SBF2: variants seen among roughly 807,000 people sequenced by gnomAD.
The protein encoded by SBF2 is SET binding factor 2, also known as myotubularin-related protein 13.
A neutral mutation model predicts 225.2 loss-of-function variants in SBF2; 112 were observed. The observed-to-expected ratio is 0.50, with a 90% CI of 0.43 to 0.58. SBF2 has a LOEUF of 0.58. Ranked by LOEUF, SBF2 falls within the 20% of genes least tolerant of loss-of-function variation. The pLI, the probability that SBF2 is intolerant of heterozygous loss-of-function variation, is 0.00. For synonymous variants in SBF2, 763 were observed against 773.3 expected, an observed-to-expected ratio of 0.99 and a Z score of 0.22; for missense variants, 1,996 against 2,206.2, an observed-to-expected ratio of 0.90 and a Z score of 1.91.
Position 9,853,224 on chromosome 11 carries a change from AC to A in SBF2, c.2536+315del, listed in dbSNP as rs1857084191. Among the ~76,000 whole-genome samples the A allele has an allele frequency of 2.6e-5, 4 of 152,374 alleles. No individual in the cohort carries two copies. The South Asian group carries it at 8.3e-4, about 32-fold the overall frequency. On this transcript the variant is annotated intron_variant, in intron 20 of 39. Coordinates refer to ENST00000256190, the MANE Select transcript of SBF2 (RefSeq NM_030962.4). ...AGGCAACTTTATAGAGACAGAAAAT[AC>A]ATTAGAAGTTACCAGGGGAAACAGG...
At chr11:10,030,020 A>G (rs1316383057) in intron 4 of SBF2, 145 bp from the exon 5 acceptor site, 2 of 654,556 alleles carry the variant, frequency 3.1e-6, no homozygotes, top group Admixed American at 4.9e-5. Flanking sequence ...AACAGCAAAA[A>G]TTAAGTTTAT....
At chr11:9,853,192 C>G (rs577804212) in intron 20 of SBF2, among the ~76,000 whole-genome samples, 26 of 152,250 alleles carry the variant, frequency 1.7e-4, no homozygotes, top group Non-Finnish European at 2.1e-4. Flanking sequence ...TGTGAAATAT[C>G]TAGAACAGGC....
At chr11:10,000,553 T>C (rs1272066672) in intron 8 of SBF2, among the ~76,000 whole-genome samples, 1 of 152,184 alleles carries the variant, frequency 6.6e-6, no homozygotes, top group Non-Finnish European at 1.5e-5. Flanking sequence ...CTTTGTTAGT[T>C]ATCAGGAATT....
intron 1 of SBF2, 82 bp downstream of exon 1, chr11:10,293,933 C>G (rs1270541940): frequency 3.6e-6 from 4 of 1,108,354 alleles, no homozygotes; most frequent in Non-Finnish European, 4.6e-6. Context: ...ACGCCCGTCC[C>G]CGACGCCCGG....
At chr11:9,942,889 G>GA (rs201082797) in intron 16 of SBF2, among the ~76,000 whole-genome samples, 13,526 of 78,522 alleles carry the variant, frequency 0.17, 754 homozygotes, top group Non-Finnish European at 0.19. Context: ...GAAAAGAAAA[G>GA]AAAGAGAGAG....
intron 33 of SBF2, among the ~76,000 whole-genome samples, chr11:9,792,939 G>GTTT (rs34305025): frequency 1.7e-5 from 2 of 121,200 alleles, no homozygotes; most frequent in African/African-American, 3.1e-5. Context: ...GTGTGTGTGT[G>GTTT]TTTTTTTTTT....
intron 1 of SBF2, among the ~76,000 whole-genome samples, chr11:10,265,066 G>A (rs1341339927): frequency 6.6e-6 from 1 of 152,120 alleles, no homozygotes. Flanking sequence ...CTTTACAGCA[G>A]AATGATTTAT....
intron 13 of SBF2, among the ~76,000 whole-genome samples, chr11:9,969,723 G>A (rs1867202286): frequency 6.6e-6 from 1 of 152,012 alleles, no homozygotes; most frequent in Non-Finnish European, 1.5e-5. Context: ...CCCTATCCCT[G>A]TTATATTTTT....
chr11:10,096,550 G>T (rs1052810018), intron 2 of SBF2, among the ~76,000 whole-genome samples: 1 of 150,980 alleles, frequency 6.6e-6, no homozygotes, highest in Non-Finnish European at 1.5e-5. Context: ...TAACAATATT[G>T]TTATCATAAC....
At chr11:9,797,562 A>G (rs2133875393) in intron 32 of SBF2, among the ~76,000 whole-genome samples, 1 of 152,368 alleles carries the variant, frequency 6.6e-6, no homozygotes, top group Non-Finnish European at 1.5e-5. Context: ...GTAGCGTGCC[A>G]TACTCCAGGT....
chr11:10,150,725 A>G (rs1955136964), intron 2 of SBF2, among the ~76,000 whole-genome samples: 1 of 152,150 alleles, frequency 6.6e-6, no homozygotes, highest in Non-Finnish European at 1.5e-5. Flanking sequence ...TGTCCCACAT[A>G]TTGTACCTGG....
intron 9 of SBF2, among the ~76,000 whole-genome samples, chr11:9,995,761 C>G (rs1294823257): frequency 6.6e-6 from 1 of 151,332 alleles, no homozygotes; most frequent in African/African-American, 2.4e-5. Context: ...AGTGAGCCTC[C>G]TGTCTCACCT....
intron 2 of SBF2, among the ~76,000 whole-genome samples, chr11:10,057,093 G>A (rs1389021822): frequency 1.3e-5 from 2 of 152,166 alleles, no homozygotes; most frequent in African/African-American, 4.8e-5. Flanking sequence ...CTGTTTCACA[G>A]CCTTCACTGG....
chr11:10,058,607 GAA>G lies in SBF2; in HGVS notation c.142-15628_142-15627del, dbSNP rs1285621462. On this transcript the variant is annotated intron_variant, in intron 2 of 39. Transcript: ENST00000256190. The stretch of plus-strand genomic sequence containing the variant: ...ACATATATTTCAGGATGTTGTCCAT[GAA>G]AACTTCCCCAACCTTGTTAGAGAGG... Among the ~76,000 whole-genome samples the G allele has an allele frequency of 2.0e-5, 3 of 152,286 alleles. No homozygotes were observed. In the East Asian group the frequency reaches 5.8e-4, roughly 29 times the overall value.
chr11:10,145,336 G>T (rs1038557389), intron 2 of SBF2, among the ~76,000 whole-genome samples: 1 of 152,000 alleles, frequency 6.6e-6, no homozygotes, highest in African/African-American at 2.4e-5. Context: ...GCAGGCTCAG[G>T]GATCTAAGTG....
intron 7 of SBF2, among the ~76,000 whole-genome samples, chr11:10,001,421 C>T (rs746007738): frequency 4.1e-4 from 63 of 152,062 alleles, no homozygotes; most frequent in Admixed American, 2.3e-3. Context: ...ATTCAAATTC[C>T]ACTTTCTATA....
intron 2 of SBF2, among the ~76,000 whole-genome samples, chr11:10,110,364 G>A (rs369135481): frequency 4.0e-5 from 6 of 151,502 alleles, no homozygotes; most frequent in East Asian, 1.9e-4. Context: ...CATTTTTCTC[G>A]GTATTCAGTA....
chr11:9,965,263 T>C (rs977262517), intron 14 of SBF2, among the ~76,000 whole-genome samples: 2 of 151,522 alleles, frequency 1.3e-5, no homozygotes, highest in African/African-American at 4.8e-5. Context: ...ATCTCATCAA[T>C]ACAAAACCTA....
chr11:10,101,789 C>G (rs999035473), intron 2 of SBF2, among the ~76,000 whole-genome samples: 3 of 151,994 alleles, frequency 2.0e-5, no homozygotes, highest in Non-Finnish European at 2.9e-5. Context: ...AAATCTGGTG[C>G]GCTTTGTGCT....
Sources: allele counts gnomAD v4.1 joint callset (sites outside exome capture counted in the v4.1 genomes callset), GRCh38; gene constraint gnomAD v4.1.1; transcripts MANE v1.5; gene names NCBI Gene and HGNC (gene_info 2026-07-23, HGNC 2026-07-21).